Variants in GALNTL6 observed in about 807,000 individuals in gnomAD.
The protein encoded by GALNTL6 is polypeptide N-acetylgalactosaminyltransferase-like 6.
In GALNTL6, 46 loss-of-function variants were observed where a neutral mutation model predicts 73.7. The ratio of observed to expected loss-of-function variants is 0.62; its 90% CI spans 0.49 to 0.80. GALNTL6 has a LOEUF of 0.80. Among genes scored for constraint, GALNTL6 ranks in the 30% least tolerant of loss-of-function variants. The probability of loss-of-function intolerance (pLI) is 0.00; values close to 1 mark genes in which losing one functional copy is unlikely to be tolerated. For synonymous variants in GALNTL6, 259 were observed against 263.7 expected (o/e 0.98, Z 0.17); for missense variants, 604 against 755.0 (o/e 0.80, Z 2.34).
At chr4:171,897,262 A>T (rs983609875) in intron 2 of GALNTL6, among the ~76,000 whole-genome samples, 2 of 152,178 alleles carry the variant, frequency 1.3e-5, no homozygotes, top group Non-Finnish European at 2.9e-5. Context: ...GTGATAGAAG[A>T]TTGGCATTCA....
intron 5 of GALNTL6, among the ~76,000 whole-genome samples, chr4:172,765,160 A>G (rs1579452075): frequency 6.6e-6 from 1 of 152,332 alleles, no homozygotes; most frequent in South Asian, 2.1e-4. Context: ...TAAGGAGGCA[A>G]TTAAGACAAA....
chr4:171,989,966 C>T (rs891850514), intron 2 of GALNTL6, among the ~76,000 whole-genome samples: 2 of 148,418 alleles, frequency 1.3e-5, no homozygotes, highest in Non-Finnish European at 3.0e-5. Context: ...TTTTTAAGAG[C>T]AAATTGCTGG....
intron 5 of GALNTL6, among the ~76,000 whole-genome samples, chr4:172,376,348 G>C (rs1579010413): frequency 6.6e-6 from 1 of 152,092 alleles, no homozygotes; most frequent in East Asian, 1.9e-4. Context: ...AGTCTTGCTT[G>C]GGTGACATGC....
intron 2 of GALNTL6, among the ~76,000 whole-genome samples, chr4:172,030,336 G>C (rs17057910): frequency 2.0e-5 from 3 of 151,806 alleles, no homozygotes; most frequent in African/African-American, 7.3e-5. Flanking sequence ...TGAATCCTGC[G>C]GCATGTCAAG....
At chr4:172,606,662 ACTAT>A (rs1357588802) in intron 5 of GALNTL6, among the ~76,000 whole-genome samples, 148 of 45,150 alleles carry the variant, frequency 3.3e-3, no homozygotes, top group African/African-American at 8.0e-3. Flanking sequence ...GTATATATAT[ACTAT>A]ATATATATAC....
At chr4:171,924,626 A>G (rs1445711247) in intron 2 of GALNTL6, among the ~76,000 whole-genome samples, 1 of 152,132 alleles carries the variant, frequency 6.6e-6, no homozygotes, top group Admixed American at 6.5e-5. Context: ...TTCATCTTTG[A>G]GCCACCAAAG....
intron 2 of GALNTL6, among the ~76,000 whole-genome samples, chr4:172,149,351 T>C (rs1734006914): frequency 6.6e-6 from 1 of 152,224 alleles, no homozygotes; most frequent in African/African-American, 2.4e-5. Context: ...TTACATTGTA[T>C]GCGCTGCTTT....
At chr4:172,686,104 C>T (rs1732903017) in intron 5 of GALNTL6, among the ~76,000 whole-genome samples, 2 of 152,240 alleles carry the variant, frequency 1.3e-5, no homozygotes, top group Non-Finnish European at 2.9e-5. Context: ...GTTTGGAGAG[C>T]AAATCTGTCC....
intron 10 of GALNTL6, among the ~76,000 whole-genome samples, chr4:172,955,560 C>A (rs572402764): frequency 6.6e-6 from 1 of 152,030 alleles, no homozygotes; most frequent in Non-Finnish European, 1.5e-5. Flanking sequence ...TTGACACATG[C>A]GATTTCTTTT....
At chr4:172,802,795 AAAC>A (rs928398243) in intron 5 of GALNTL6, among the ~76,000 whole-genome samples, 2 of 14,126 alleles carry the variant, frequency 1.4e-4, no homozygotes, top group Admixed American at 1.1e-3. Context: ...CGTCTCAAAA[AAAC>A]AAACAAACAA....
intron 2 of GALNTL6, among the ~76,000 whole-genome samples, chr4:171,884,513 A>T (rs1355397320): frequency 6.6e-6 from 1 of 151,700 alleles, no homozygotes; most frequent in Non-Finnish European, 1.5e-5. Context: ...AATTACTTAA[A>T]TTTAAGATAT....
intron 2 of GALNTL6, among the ~76,000 whole-genome samples, chr4:172,093,311 C>T (rs114865623): frequency 0.017 from 2,540 of 152,214 alleles, 61 homozygotes; most frequent in African/African-American, 0.055. Flanking sequence ...TTATAATAAT[C>T]TAATTTTATC....
At chr4:172,072,021 C>T (rs1731556647) in intron 2 of GALNTL6, among the ~76,000 whole-genome samples, 1 of 152,092 alleles carries the variant, frequency 6.6e-6, no homozygotes, top group Non-Finnish European at 1.5e-5. Context: ...ACTCTGACTT[C>T]TACAAGTCTG....
chr4:172,216,002 T>C (rs528936157), intron 2 of GALNTL6, among the ~76,000 whole-genome samples: 40 of 152,300 alleles, frequency 2.6e-4, no homozygotes, highest in African/African-American at 9.6e-4. Flanking sequence ...CTGCCATTCA[T>C]TTTATCTGTT....
At chr4:172,040,859 T>C (rs1442892374) in intron 2 of GALNTL6, among the ~76,000 whole-genome samples, 1 of 152,120 alleles carries the variant, frequency 6.6e-6, no homozygotes, top group Non-Finnish European at 1.5e-5. Context: ...ATGTCATATA[T>C]CTATTGATGA....
At chr4:172,828,152 A>G (rs1742370054) in intron 7 of GALNTL6, among the ~76,000 whole-genome samples, 1 of 151,840 alleles carries the variant, frequency 6.6e-6, no homozygotes, top group African/African-American at 2.4e-5. Flanking sequence ...GGCACCTGTA[A>G]TCCCAGCTAC....
chr4:172,335,547 AGAATTTGGCTGT>A (rs1033528558), intron 4 of GALNTL6, among the ~76,000 whole-genome samples: 20 of 152,336 alleles, frequency 1.3e-4, no homozygotes, highest in African/African-American at 4.3e-4. Flanking sequence ...CACATCTGGT[AGAATTTGGCTGT>A]GAATTCTTCT....
At chr4:172,243,765 TC>T (rs1195765500) in intron 3 of GALNTL6, among the ~76,000 whole-genome samples, 1 of 152,152 alleles carries the variant, frequency 6.6e-6, no homozygotes, top group Admixed American at 6.5e-5. Context: ...AAACAACATC[TC>T]ACTTTAGTGC....
intron 10 of GALNTL6, among the ~76,000 whole-genome samples, chr4:172,988,281 G>T (rs1055600557): frequency 2.0e-5 from 3 of 152,212 alleles, no homozygotes; most frequent in African/African-American, 7.2e-5. Context: ...TTAGCAAAGA[G>T]ACTGGTAGCA....
Sources: gnomAD v4.1 joint callset for allele counts (sites outside exome capture counted in the v4.1 genomes callset) on GRCh38, gnomAD v4.1.1 for gene constraint, MANE v1.5 for transcripts, NCBI Gene and HGNC (gene_info 2026-07-23, HGNC 2026-07-21) for gene names.